The following CNTN6 variants were observed in gnomAD, a reference collection of about 807,000 sequenced individuals.
CNTN6 encodes the protein contactin-6.
A neutral mutation model predicts 122.8 loss-of-function variants in CNTN6; 137 were observed. The ratio of observed to expected loss-of-function variants is 1.12; its 90% confidence interval spans 0.97 to 1.29. CNTN6 has a LOEUF of 1.29. Among genes scored for constraint, CNTN6 ranks in the 50% most tolerant of loss-of-function variants. The pLI, the probability that CNTN6 is intolerant of heterozygous loss-of-function variation, is 0.00. For missense variants in CNTN6, 1,634 were observed against 1,223.4 expected (o/e 1.34, Z -5.01); for synonymous variants, 570 against 426.0 (o/e 1.34, Z -4.16).
chr3:1,122,494 T>C (rs1308347801), intron 1 of CNTN6, among the ~76,000 whole-genome samples: 1 of 149,850 alleles, frequency 6.7e-6, no homozygotes, highest in Non-Finnish European at 1.5e-5. Flanking sequence ...ACAATTCGGT[T>C]GCATTTAATA....
intron 4 of CNTN6, among the ~76,000 whole-genome samples, chr3:1,274,659 G>A (rs1176121470): frequency 6.6e-6 from 1 of 152,156 alleles, no homozygotes; most frequent in Non-Finnish European, 1.5e-5. Context: ...AACTGCGGAT[G>A]TTTCAAATAA....
chr3:1,284,132 G>C (rs1022816905), intron 5 of CNTN6, among the ~76,000 whole-genome samples: 8 of 152,204 alleles, frequency 5.3e-5, no homozygotes, highest in Admixed American at 1.3e-4. Flanking sequence ...TAGAACAGTT[G>C]AATTGATGCC....
chr3:1,231,770 A>G (rs2094355106), intron 4 of CNTN6, among the ~76,000 whole-genome samples: 1 of 152,200 alleles, frequency 6.6e-6, no homozygotes, highest in Admixed American at 6.5e-5. Flanking sequence ...CCAAATACTC[A>G]GGTAGATCCT....
intron 4 of CNTN6, among the ~76,000 whole-genome samples, chr3:1,229,080 G>A (rs2094322155): frequency 6.6e-6 from 1 of 152,088 alleles, no homozygotes; most frequent in Non-Finnish European, 1.5e-5. Flanking sequence ...ACATAAATAT[G>A]TTGCTAACTG....
chr3:1,318,180 T>C (rs888653344), intron 7 of CNTN6, among the ~76,000 whole-genome samples: 1 of 151,754 alleles, frequency 6.6e-6, no homozygotes, highest in African/African-American at 2.4e-5. Context: ...AGTGAGATTT[T>C]CTTGTCTCTT....
chr3:1,101,448 G>A (rs913131113), intron 1 of CNTN6, among the ~76,000 whole-genome samples: 1 of 152,098 alleles, frequency 6.6e-6, no homozygotes, highest in African/African-American at 2.4e-5. Flanking sequence ...CCCTCTTCAC[G>A]TTGCATGGTG....
At chr3:1,341,046 T>A (rs1703808853) in intron 11 of CNTN6, among the ~76,000 whole-genome samples, 1 of 152,128 alleles carries the variant, frequency 6.6e-6, no homozygotes, top group Non-Finnish European at 1.5e-5. Context: ...CACAATAGGT[T>A]CATAGTCATA....
At chr3:1,401,615 T>C in intron 21 of CNTN6, 70 bp downstream of exon 21, 1 of 1,050,966 alleles carries the variant, frequency 9.5e-7, no homozygotes, top group Admixed American at 2.4e-5. Context: ...GACACCCAAA[T>C]GGAAAACAAA....
In CNTN6 at chr3:1,392,888, A is replaced by C. The variant is rs1218789931; in HGVS notation, c.2704+7091A>C. On this transcript the variant is annotated intron_variant, in intron 20 of 22. Coordinates refer to ENST00000446702, the MANE Select transcript of CNTN6 (RefSeq NM_001289080.2). The stretch of plus-strand genomic sequence containing the variant: ...TCTCACACCACTTAGAATGGCGATC[A>C]TTAAAAAGTCAGGAAACAACAGGTG... Among the ~76,000 whole-genome samples the C allele has an allele frequency of 2.3e-5, 3 of 128,608 alleles. No homozygotes were observed. The East Asian group carries it at 7.0e-4, about 30-fold the overall frequency. 84.4% of individuals were successfully genotyped at this position (128,608 alleles called of 152,430 possible).
At chr3:1,204,756 T>G in intron 2 of CNTN6, among the ~76,000 whole-genome samples, 1 of 152,170 alleles carries the variant, frequency 6.6e-6, no homozygotes, top group East Asian at 1.9e-4. Flanking sequence ...TTGCTCTTGT[T>G]TTTCACGGTT....
chr3:1,401,482 A>C lies in CNTN6; in HGVS notation c.2754A>C (p.Lys918Asn). The C allele has an allele frequency of 6.2e-7, 1 of 1,612,174 alleles. No homozygotes were observed. Among genetic ancestry groups the C allele is most frequent in the South Asian group, 1.1e-5 (1 of 90,986 alleles). Residue 918 changes from lysine to asparagine, a missense_variant, in exon 21 of 23, where the codon AAA becomes AAC. Transcript: ENST00000446702. ...TTGCCTGGAAGCTGACAAACTCTAA[A>C]TTATGCTTGAACTGGGAGCATGTAA... ...ANIAWKLTNSKLCLNWEHVKT... is the reference protein window; with the variant it reads ...ANIAWKLTNSNLCLNWEHVKT...
At chr3:1,306,053 A>G (rs1698304106) in intron 7 of CNTN6, among the ~76,000 whole-genome samples, 1 of 152,120 alleles carries the variant, frequency 6.6e-6, no homozygotes, top group African/African-American at 2.4e-5. Flanking sequence ...GCACACTGAA[A>G]TTTTTCAGTT....
intron 11 of CNTN6, among the ~76,000 whole-genome samples, chr3:1,344,796 A>T (rs1327623062): frequency 6.6e-6 from 1 of 152,254 alleles, no homozygotes; most frequent in African/African-American, 2.4e-5. Flanking sequence ...ATTTTCCTGA[A>T]TTTTTTGATA....
In CNTN6 at chr3:1,403,318, G is replaced by T. The variant is rs1332684163; in HGVS notation, c.2987G>T (p.Ser996Ile). 1.3e-6 allele frequency: 2 copies of T among 1,592,954 alleles called. No homozygotes were observed. The highest frequency in any genetic ancestry group is 1.7e-6 in the Non-Finnish European group (2 of 1,166,246). The change falls in exon 23 of 23, where the codon AGT (serine) becomes ATT (isoleucine). Residue 996 changes from serine to isoleucine, a missense_variant and splice_region_variant. Physicochemically the swap from Ser to Ile is moderately radical, Grantham distance 142. Coordinates refer to ENST00000446702, the MANE Select transcript of CNTN6 (RefSeq NM_001289080.2). Reference sequence around the variant, plus strand: ...TTTGTCTTATTTTTATATTTTGCAGGTTTGAGTTCCAGAGGAATTCAATTC... The same window carrying T: ...TTTGTCTTATTTTTATATTTTGCAGTTTTGAGTTCCAGAGGAATTCAATTC... ...SEEIRIPKMSSLSSRGIQFLE... is the reference protein window; with the variant it reads ...SEEIRIPKMSILSSRGIQFLE...
intron 12 of CNTN6, among the ~76,000 whole-genome samples, chr3:1,367,439 C>G (rs1708395651): frequency 6.6e-6 from 1 of 151,946 alleles, no homozygotes. Context: ...CACACAGAGC[C>G]CTGTGCTGAG....
At chr3:1,348,635 T>G (rs1487808006) in intron 11 of CNTN6, among the ~76,000 whole-genome samples, 1 of 152,042 alleles carries the variant, frequency 6.6e-6, no homozygotes, top group Non-Finnish European at 1.5e-5. Context: ...TTATGCTGCT[T>G]TTAGTAACTC....
In CNTN6 at chr3:1,278,458, G is replaced by T; in HGVS notation, c.404G>T (p.Arg135Leu). 6.2e-7 allele frequency: 1 copy of T among 1,612,584 alleles called. No homozygotes were observed. The highest frequency in any genetic ancestry group is 1.1e-5 in the South Asian group (1 of 90,928). ...ETKTRSTVSV[R>L]EGQGVVLLCG... ...AAAACAAGAAGCACAGTATCTGTCC[G>T]AGAAGGTCAAGGTGTGGTGCTTCTC... Residue 135 changes from arginine (R) to leucine (L), a missense_variant, in exon 5 of 23, where the codon CGA becomes CTA. Transcript: ENST00000446702.
chr3:1,117,073 G>T (rs1008267707), intron 1 of CNTN6, among the ~76,000 whole-genome samples: 8 of 152,084 alleles, frequency 5.3e-5, no homozygotes, highest in Non-Finnish European at 1.0e-4. Flanking sequence ...GAGATATGGA[G>T]GTAAATGCCA....
At chr3:1,331,580 C>T (rs1337573536) in intron 11 of CNTN6, among the ~76,000 whole-genome samples, 1 of 151,808 alleles carries the variant, frequency 6.6e-6, no homozygotes. Context: ...TCATGCATTC[C>T]TAAAATCTAA....
Sources: allele counts gnomAD v4.1 joint callset (sites outside exome capture counted in the v4.1 genomes callset), GRCh38; gene constraint gnomAD v4.1.1; transcripts MANE v1.5; gene names NCBI Gene and HGNC (gene_info 2026-07-23, HGNC 2026-07-21).